Variants in SNTG1 observed in about 807,000 individuals in gnomAD.
SNTG1 encodes syntrophin gamma 1, also known as gamma-1-syntrophin.
A neutral mutation model predicts 74.7 loss-of-function variants in SNTG1; 39 were observed. The observed-to-expected ratio is 0.52, with a 90% CI of 0.40 to 0.68. The LOEUF is 0.68. SNTG1 is among the 30% of genes least tolerant of loss of function. The pLI, the probability that SNTG1 is intolerant of heterozygous loss-of-function variation, is 0.00. For synonymous variants in SNTG1, 254 were observed against 217.1 expected, an observed-to-expected ratio of 1.17 and a Z score of -1.49; for missense variants, 685 against 609.5, an observed-to-expected ratio of 1.12 and a Z score of -1.30.
At chr8:50,670,991 T>A (rs2095279035) in intron 15 of SNTG1, among the ~76,000 whole-genome samples, 3 of 150,590 alleles carry the variant, frequency 2.0e-5, no homozygotes, top group African/African-American at 7.3e-5. Flanking sequence ...GCTAGCCATA[T>A]GTAGAAAGCT....
intron 2 of SNTG1, among the ~76,000 whole-genome samples, chr8:50,274,691 T>C (rs2130338160): frequency 6.6e-6 from 1 of 152,246 alleles, no homozygotes; most frequent in African/African-American, 2.4e-5. Context: ...TGTAGGTACT[T>C]TTGGAGATGC....
At chr8:50,560,267 G>A (rs917822345) in intron 12 of SNTG1, among the ~76,000 whole-genome samples, 1 of 152,172 alleles carries the variant, frequency 6.6e-6, no homozygotes, top group African/African-American at 2.4e-5. Flanking sequence ...CTATACTGTT[G>A]TGGGAATATA....
chr8:50,400,182 A>T (rs1333805820), intron 3 of SNTG1, among the ~76,000 whole-genome samples: 1 of 152,174 alleles, frequency 6.6e-6, no homozygotes, highest in Non-Finnish European at 1.5e-5. Context: ...TTCCAAGAGA[A>T]AGTCTGGTAT....
intron 1 of SNTG1, among the ~76,000 whole-genome samples, chr8:49,966,584 G>A (rs1279746957): frequency 2.0e-5 from 3 of 151,600 alleles, no homozygotes; most frequent in Admixed American, 6.6e-5. Context: ...TAGTAGAGGC[G>A]GGGTTTCACC....
intron 4 of SNTG1, among the ~76,000 whole-genome samples, chr8:50,416,725 G>A (rs1205836626): frequency 6.6e-6 from 1 of 151,984 alleles, no homozygotes; most frequent in Non-Finnish European, 1.5e-5. Context: ...TTGCTAATTT[G>A]TCTGTATCAT....
intron 17 of SNTG1, among the ~76,000 whole-genome samples, chr8:50,734,649 T>C (rs569161962): frequency 6.7e-6 from 1 of 149,320 alleles, no homozygotes; most frequent in African/African-American, 2.4e-5. Flanking sequence ...TCTCTTTCTC[T>C]GTCTCTCTCT....
chr8:50,552,399 G>A (rs188023922), intron 11 of SNTG1, among the ~76,000 whole-genome samples: 1 of 152,290 alleles, frequency 6.6e-6, no homozygotes, highest in Non-Finnish European at 1.5e-5. Context: ...CTGTCAGAAT[G>A]CTTAGACTGA....
chr8:50,623,043 TAGTCTAACAATTTTTGG>T (rs2094933470), intron 13 of SNTG1, among the ~76,000 whole-genome samples: 1 of 152,156 alleles, frequency 6.6e-6, no homozygotes, highest in Non-Finnish European at 1.5e-5. Flanking sequence ...CTGAATTTGT[TAGTCTAACAATTTTTGG>T]TTTTGTTTTT....
chr8:50,658,441 T>C (rs1563704938), intron 14 of SNTG1, 151 bp from the exon 15 acceptor site: 2 of 507,664 alleles, frequency 3.9e-6, no homozygotes, highest in South Asian at 2.7e-5. Context: ...AAAAGCATTA[T>C]GTAGGGTCCT....
chr8:50,034,013 T>C (rs1474201399), intron 1 of SNTG1, among the ~76,000 whole-genome samples: 2 of 152,164 alleles, frequency 1.3e-5, no homozygotes, highest in Non-Finnish European at 2.9e-5. Flanking sequence ...CAAAGATTAT[T>C]TAATTAATTG....
chr8:50,039,023 T>C (rs904276329), intron 1 of SNTG1, among the ~76,000 whole-genome samples: 5 of 152,180 alleles, frequency 3.3e-5, no homozygotes, highest in African/African-American at 9.7e-5. Context: ...GCCTTGTGCT[T>C]CTCATAGCTT....
At chr8:50,300,411 CAT>C (rs758629746) in intron 2 of SNTG1, among the ~76,000 whole-genome samples, 1 of 152,066 alleles carries the variant, frequency 6.6e-6, no homozygotes, top group African/African-American at 2.4e-5. Context: ...TCCTGAAAAA[CAT>C]ATCTTAAATC....
intron 1 of SNTG1, among the ~76,000 whole-genome samples, chr8:50,047,663 T>C (rs1819211889): frequency 6.6e-6 from 1 of 152,156 alleles, no homozygotes; most frequent in Non-Finnish European, 1.5e-5. Flanking sequence ...TAAGTATATG[T>C]AATAGGATAA....
chr8:50,533,961 T>C (rs2094289429), intron 10 of SNTG1, among the ~76,000 whole-genome samples: 1 of 152,194 alleles, frequency 6.6e-6, no homozygotes, highest in African/African-American at 2.4e-5. Flanking sequence ...TTTAACAATC[T>C]TTGACATTTT....
chr8:50,108,319 G>T (rs2080457919), intron 1 of SNTG1, among the ~76,000 whole-genome samples: 1 of 152,178 alleles, frequency 6.6e-6, no homozygotes, highest in Non-Finnish European at 1.5e-5. Context: ...GGAATGAAGA[G>T]ATATTACAAA....
At chr8:50,564,990 G>A (rs2094507959) in intron 12 of SNTG1, among the ~76,000 whole-genome samples, 3 of 151,990 alleles carry the variant, frequency 2.0e-5, no homozygotes, top group Admixed American at 1.3e-4. Context: ...GGTGGTTAAC[G>A]TCAACTGTGA....
chr8:50,017,854 C>T (rs560820719), intron 1 of SNTG1, among the ~76,000 whole-genome samples: 3 of 152,032 alleles, frequency 2.0e-5, no homozygotes, highest in Admixed American at 1.3e-4. Flanking sequence ...ATGGATAAAA[C>T]ATCTACGCAG....
intron 15 of SNTG1, among the ~76,000 whole-genome samples, chr8:50,680,492 T>G (rs1423379949): frequency 2.0e-5 from 3 of 152,148 alleles, no homozygotes; most frequent in Non-Finnish European, 4.4e-5. Context: ...CTCATTGGAC[T>G]TTAAGTGTTG....
At chr8:50,149,900 T>C (rs1010325839) in intron 1 of SNTG1, among the ~76,000 whole-genome samples, 22 of 152,198 alleles carry the variant, frequency 1.4e-4, no homozygotes, top group Non-Finnish European at 2.9e-4. Flanking sequence ...CCATATGAAC[T>C]TTAAAGTAGT....
Sources: allele counts gnomAD v4.1 joint callset (sites outside exome capture counted in the v4.1 genomes callset), GRCh38; gene constraint gnomAD v4.1.1; transcripts MANE v1.5; gene names NCBI Gene and HGNC (gene_info 2026-07-23, HGNC 2026-07-21).